BRINP3: variants seen among roughly 807,000 people sequenced by gnomAD.
The protein encoded by BRINP3 is BMP/retinoic acid-inducible neural-specific protein 3.
In BRINP3, 19 loss-of-function variants were observed where a neutral mutation model predicts 71.0. That is an observed-to-expected ratio of 0.27 (90% CI 0.19 to 0.39). The LOEUF is 0.39. BRINP3 is among the 10% of genes least tolerant of loss of function. The pLI is 1.00. For synonymous variants in BRINP3, 380 were observed against 337.7 expected (o/e 1.13, Z -1.37); for missense variants, 959 against 940.8 (o/e 1.02, Z -0.25).
chr1:190,410,647 G>T (rs1300021336), intron 2 of BRINP3, among the ~76,000 whole-genome samples: 1 of 151,992 alleles, frequency 6.6e-6, no homozygotes, highest in Non-Finnish European at 1.5e-5. Context: ...AATAAGAAAA[G>T]AAGACTAAAT....
chr1:190,273,747 A>C lies in BRINP3; in HGVS notation c.427+7813T>G, dbSNP rs371312825. Among the ~76,000 whole-genome samples, 6 of 151,550 alleles carry C rather than the reference A, an allele frequency of 4.0e-5. No individual in the cohort carries two copies. The East Asian group carries it at 1.2e-3, about 29-fold the overall frequency. ...AGAACCTTCATACTGTTTACTTCTCACTTGGATTTTCTCAATTGGCATTCT... is the reference window on the plus strand; with the variant it reads ...AGAACCTTCATACTGTTTACTTCTCCCTTGGATTTTCTCAATTGGCATTCT... On this transcript the variant is annotated intron_variant, in intron 3 of 7. Coordinates refer to ENST00000367462, the MANE Select transcript of BRINP3 (RefSeq NM_199051.3).
intron 2 of BRINP3, among the ~76,000 whole-genome samples, chr1:190,451,505 C>G (rs1675604387): frequency 6.6e-6 from 1 of 152,098 alleles, no homozygotes; most frequent in Admixed American, 6.6e-5. Context: ...TCCCCCTGTT[C>G]TATGCGGCAG....
chr1:190,331,293 A>G (rs1398429027), intron 2 of BRINP3, among the ~76,000 whole-genome samples: 1 of 152,010 alleles, frequency 6.6e-6, no homozygotes, highest in Non-Finnish European at 1.5e-5. Context: ...TTCCTGGTTG[A>G]ACAATGTATG....
chr1:190,283,861 CT>C (rs1663226112), intron 2 of BRINP3, among the ~76,000 whole-genome samples: 1 of 151,374 alleles, frequency 6.6e-6, no homozygotes, highest in Non-Finnish European at 1.5e-5. Flanking sequence ...TTTTTAACTC[CT>C]GAAAAATGCT....
chr1:190,227,117 T>C (rs775031608), intron 5 of BRINP3, among the ~76,000 whole-genome samples: 5 of 151,918 alleles, frequency 3.3e-5, no homozygotes, highest in Non-Finnish European at 7.4e-5. Context: ...AAATACTAAA[T>C]ATTTAAACAA....
chr1:190,193,646 A>G (rs1371372247), intron 6 of BRINP3, among the ~76,000 whole-genome samples: 3 of 152,026 alleles, frequency 2.0e-5, no homozygotes, highest in Admixed American at 6.6e-5. Flanking sequence ...AGCTTGACTA[A>G]ACTTTAGACA....
chr1:190,461,640 T>C (rs1676404588), intron 1 of BRINP3, among the ~76,000 whole-genome samples: 2 of 152,132 alleles, frequency 1.3e-5, no homozygotes, highest in Admixed American at 6.6e-5. Flanking sequence ...AATGAATAAA[T>C]GTTGATGAAA....
intron 1 of BRINP3, among the ~76,000 whole-genome samples, chr1:190,455,950 C>T (rs1675955425): frequency 6.6e-6 from 1 of 152,072 alleles, no homozygotes; most frequent in African/African-American, 2.4e-5. Flanking sequence ...TCTTTCTATC[C>T]TCATCAGCTT....
intron 2 of BRINP3, among the ~76,000 whole-genome samples, chr1:190,356,162 A>T (rs1338925271): frequency 6.6e-6 from 1 of 152,020 alleles, no homozygotes; most frequent in African/African-American, 2.4e-5. Context: ...ATTGAAAATC[A>T]TATGTGCTCT....
intron 2 of BRINP3, among the ~76,000 whole-genome samples, chr1:190,333,126 T>C (rs924912739): frequency 2.6e-5 from 4 of 151,954 alleles, no homozygotes; most frequent in Non-Finnish European, 5.9e-5. Flanking sequence ...CTAATTGATT[T>C]GAAAAAATGA....
intron 2 of BRINP3, among the ~76,000 whole-genome samples, chr1:190,294,839 C>T (rs1664132118): frequency 1.3e-5 from 2 of 151,902 alleles, no homozygotes; most frequent in Admixed American, 6.6e-5. Context: ...CTAAAGGGTG[C>T]CCTGACCCTA....
At chr1:190,241,777 T>C (rs1659123231) in intron 4 of BRINP3, among the ~76,000 whole-genome samples, 1 of 151,882 alleles carries the variant, frequency 6.6e-6, no homozygotes, top group East Asian at 1.9e-4. Context: ...CAGTACAATC[T>C]TTTCTGTTAC....
chr1:190,439,533 G>A lies in BRINP3; in HGVS notation c.236+15122C>T, dbSNP rs184910647. Among the ~76,000 whole-genome samples the A allele has an allele frequency of 8.6e-5, 13 of 151,630 alleles. No homozygotes were observed. In the East Asian group the frequency reaches 1.9e-3, roughly 23 times the overall value. On this transcript the variant is annotated intron_variant, in intron 2 of 7. Transcript: ENST00000367462. ...TTTGTAAGAAGGTCTGTAAGAGTAC[G>A]TGTGTGTGTGTATGTGTATGGGTGT...
chr1:190,164,897 T>C (rs10920656), intron 6 of BRINP3, among the ~76,000 whole-genome samples: 3,282 of 152,202 alleles, frequency 0.022, 110 homozygotes, highest in African/African-American at 0.075. Context: ...AAAATGACAT[T>C]ATTTAATTAC....
At chr1:190,355,956 G>T (rs376032273) in intron 2 of BRINP3, among the ~76,000 whole-genome samples, 3 of 151,822 alleles carry the variant, frequency 2.0e-5, no homozygotes, top group Non-Finnish European at 4.4e-5. Flanking sequence ...TAGGTAGCTA[G>T]CATCTGTCTA....
chr1:190,268,749 AACAC>A (rs1354164694), intron 3 of BRINP3, among the ~76,000 whole-genome samples: 1 of 152,144 alleles, frequency 6.6e-6, no homozygotes, highest in East Asian at 1.9e-4. Flanking sequence ...AATAGACTGA[AACAC>A]ACGAATATTA....
At chr1:190,126,517 T>A (rs186572664) in intron 7 of BRINP3, among the ~76,000 whole-genome samples, 9 of 152,068 alleles carry the variant, frequency 5.9e-5, no homozygotes, top group Non-Finnish European at 1.0e-4. Flanking sequence ...TATTTACTTA[T>A]TTTTATTGTT....
intron 2 of BRINP3, among the ~76,000 whole-genome samples, chr1:190,416,888 T>C (rs886738562): frequency 1.3e-5 from 2 of 152,140 alleles, no homozygotes; most frequent in Non-Finnish European, 2.9e-5. Flanking sequence ...CCTCAGTAAG[T>C]AGAGACACCG....
chr1:190,161,973 T>C (rs969143053), intron 6 of BRINP3, among the ~76,000 whole-genome samples: 20 of 152,114 alleles, frequency 1.3e-4, no homozygotes, highest in Non-Finnish European at 8.8e-5. Context: ...GTGAATTATA[T>C]TCATGAACAT....
Sources: gnomAD v4.1 joint callset for allele counts (sites outside exome capture counted in the v4.1 genomes callset) on GRCh38, gnomAD v4.1.1 for gene constraint, MANE v1.5 for transcripts, NCBI Gene and HGNC (gene_info 2026-07-23, HGNC 2026-07-21) for gene names.